The following ARHGAP6 variants were observed in gnomAD, a reference collection of about 807,000 sequenced individuals.
The protein encoded by ARHGAP6 is rho GTPase-activating protein 6.
ARHGAP6 carries 16 observed loss-of-function variants against 55.7 expected under a neutral mutation model. That is an observed-to-expected ratio of 0.29 (90% confidence interval 0.19 to 0.44). The LOEUF (loss-of-function observed/expected upper bound fraction) is 0.44, where lower values mean the gene tolerates loss of function less well. ARHGAP6 is among the 20% of genes least tolerant of loss of function. The probability of loss-of-function intolerance (pLI) is 1.00; values close to 1 mark genes in which losing one functional copy is unlikely to be tolerated. For missense variants in ARHGAP6, 698 were observed against 808.9 expected (o/e 0.86, Z 1.66); for synonymous variants, 382 against 360.9 (o/e 1.06, Z -0.66).
At chrX:11,449,498 A>C (rs1325528394) in intron 1 of ARHGAP6, among the ~76,000 whole-genome samples, 4 of 111,924 alleles carry the variant, frequency 3.6e-5, no homozygotes, top group Non-Finnish European at 7.5e-5. Context: ...CGAGCTCTAA[A>C]GTCACACCTC....
chrX:11,626,640 A>G (rs144867644), intron 1 of ARHGAP6, among the ~76,000 whole-genome samples: 1 of 111,712 alleles, frequency 9.0e-6, no homozygotes, highest in African/African-American at 3.2e-5. Context: ...ATGAAAACCT[A>G]TATCTGCATC....
intron 1 of ARHGAP6, among the ~76,000 whole-genome samples, chrX:11,649,438 C>T (rs1227471034): frequency 8.9e-6 from 1 of 112,101 alleles, no homozygotes; most frequent in African/African-American, 3.2e-5. Flanking sequence ...GGTAGATCAT[C>T]TCGATAGACA....
In ARHGAP6 at chrX:11,391,499, A is replaced by G. The variant is rs773076549; in HGVS notation, c.589-136792T>C. On this transcript the variant is annotated intron_variant, in intron 1 of 12. Coordinates refer to ENST00000337414, the MANE Select transcript of ARHGAP6 (RefSeq NM_013427.3). ...AAAGAAAAGAAAAAAAAAAGCCAGAAAACTTTAAAACATAACTGGTACTCT... is the reference window on the plus strand; with the variant it reads ...AAAGAAAAGAAAAAAAAAAGCCAGAGAACTTTAAAACATAACTGGTACTCT... Among the ~76,000 whole-genome samples the G allele has an allele frequency of 2.4e-3, 268 of 111,173 alleles. 1 individual carries two copies. The highest frequency in any genetic ancestry group is 4.3e-3 in the Non-Finnish European group (227 of 52,830).
intron 1 of ARHGAP6, among the ~76,000 whole-genome samples, chrX:11,451,543 C>T (rs963054091): frequency 1.5e-4 from 17 of 111,998 alleles, no homozygotes; most frequent in Non-Finnish European, 2.1e-4. Context: ...TATATGAAAG[C>T]GAATCTAGCA....
intron 1 of ARHGAP6, chrX:11,300,771 T>C (rs975496552): frequency 2.0e-6 from 1 of 504,646 alleles, no homozygotes; most frequent in African/African-American, 2.4e-5. Context: ...ATTCATGTCT[T>C]TGTGTTGAAT....
chrX:11,321,949 C>T (rs762944527), intron 1 of ARHGAP6, among the ~76,000 whole-genome samples: 1 of 111,977 alleles, frequency 8.9e-6, no homozygotes, highest in Non-Finnish European at 1.9e-5. Context: ...TAAAGTGGCG[C>T]TCTGGAAAAT....
intron 1 of ARHGAP6, among the ~76,000 whole-genome samples, chrX:11,262,034 T>C (rs1184893602): frequency 8.9e-6 from 1 of 112,238 alleles, no homozygotes; most frequent in East Asian, 2.8e-4. Flanking sequence ...ATATTAACAA[T>C]TATTTATATA....
chrX:11,366,958 G>A lies in ARHGAP6; in HGVS notation c.589-112251C>T, dbSNP rs748207693. 2.7e-5 allele frequency among the ~76,000 whole-genome samples: 3 copies of A among 111,990 alleles called. No homozygotes were observed. The South Asian group carries it at 1.1e-3, about 42-fold the overall frequency. ...ATGGAAGTATGTTTAAGGAGCAGGT[G>A]AGGAATAACATGCCTTCAAAGGAGA... On this transcript the variant is annotated intron_variant, in intron 1 of 12. Transcript: ENST00000337414.
At chrX:11,542,542 G>T (rs2051169360) in intron 1 of ARHGAP6, among the ~76,000 whole-genome samples, 1 of 110,895 alleles carries the variant, frequency 9.0e-6, no homozygotes, top group Non-Finnish European at 1.9e-5. Flanking sequence ...TGGGGAGAGG[G>T]AGTGGTCAAT....
At position 11,590,869 on chromosome X, in the gene ARHGAP6, G is replaced by GAAAAGAAAAGAAAGAAGGAAA. The variant is rs2051813205; in HGVS notation, c.588+73371_588+73372insTTTCCTTCTTTCTTTTCTTTT. On this transcript the variant is annotated intron_variant, in intron 1 of 12. Coordinates refer to ENST00000337414, the MANE Select transcript of ARHGAP6 (RefSeq NM_013427.3). The stretch of plus-strand genomic sequence containing the variant: ...AAGAAAAGAAAAGAAAAGAAAAGAA[G>GAAAAGAAAAGAAAGAAGGAAA]GAAAGAAAGAAAGAAAGAAAGAAAG... Among the ~76,000 whole-genome samples, 14 of 24,218 alleles carry GAAAAGAAAAGAAAGAAGGAAA rather than the reference G, an allele frequency of 5.8e-4. 3 individuals carry two copies. The highest frequency in any genetic ancestry group is 3.5e-3 in the South Asian group (1 of 288). 21.0% of individuals were successfully genotyped at this position (24,218 alleles called of 115,157 possible). A position where few individuals can be genotyped will look rare whatever the true frequency, so the allele number is the denominator to read the frequency against.
At chrX:11,329,851 T>A (rs1352780042) in intron 1 of ARHGAP6, among the ~76,000 whole-genome samples, 1 of 112,634 alleles carries the variant, frequency 8.9e-6, no homozygotes, top group African/African-American at 3.2e-5. Context: ...CTATACTGAA[T>A]ACTGTAGGTA....
intron 1 of ARHGAP6, among the ~76,000 whole-genome samples, chrX:11,364,527 C>T (rs887591519): frequency 7.2e-5 from 8 of 110,695 alleles, no homozygotes; most frequent in Non-Finnish European, 1.5e-4. Flanking sequence ...TTCAACCTTC[C>T]GCCACGTGAC....
chrX:11,388,944 G>A (rs756775318), intron 1 of ARHGAP6, among the ~76,000 whole-genome samples: 5 of 112,035 alleles, frequency 4.5e-5, no homozygotes, highest in Non-Finnish European at 9.4e-5. Flanking sequence ...CTAGCAACAC[G>A]GAGATAAGAA....
At chrX:11,329,185 A>G (rs1479065018) in intron 1 of ARHGAP6, among the ~76,000 whole-genome samples, 1 of 111,985 alleles carries the variant, frequency 8.9e-6, no homozygotes, top group African/African-American at 3.2e-5. Context: ...TTGGCACCAG[A>G]GTTATGAGAT....
At chrX:11,228,734 G>A (rs1427187733) in intron 2 of ARHGAP6, among the ~76,000 whole-genome samples, 1 of 112,280 alleles carries the variant, frequency 8.9e-6, no homozygotes, top group Non-Finnish European at 1.9e-5. Context: ...GACAACTGCA[G>A]TAAGAGTTGG....
At chrX:11,248,316 C>G (rs1244726187) in intron 2 of ARHGAP6, among the ~76,000 whole-genome samples, 1 of 111,770 alleles carries the variant, frequency 8.9e-6, no homozygotes, top group East Asian at 2.8e-4. Flanking sequence ...AAGTATGTAT[C>G]TGTGAGATAC....
chrX:11,302,160 T>G (rs759142589), intron 1 of ARHGAP6, among the ~76,000 whole-genome samples: 12 of 112,388 alleles, frequency 1.1e-4, no homozygotes, highest in African/African-American at 1.9e-4. Context: ...TCCTCCGTCA[T>G]AGTAGACACA....
chrX:11,648,338 G>T (rs1280506564), intron 1 of ARHGAP6, among the ~76,000 whole-genome samples: 2 of 111,612 alleles, frequency 1.8e-5, no homozygotes, highest in East Asian at 5.6e-4. Flanking sequence ...TACCAAGATT[G>T]CCCCAGTAAT....
At chrX:11,424,996 ACTAT>A (rs1353809208) in intron 1 of ARHGAP6, among the ~76,000 whole-genome samples, 1 of 112,413 alleles carries the variant, frequency 8.9e-6, no homozygotes, top group Non-Finnish European at 1.9e-5. Flanking sequence ...TAACATTTTC[ACTAT>A]CTAACTGTCT....
Sources: gnomAD v4.1 joint callset for allele counts (sites outside exome capture counted in the v4.1 genomes callset) on GRCh38, gnomAD v4.1.1 for gene constraint, MANE v1.5 for transcripts, NCBI Gene and HGNC (gene_info 2026-07-23, HGNC 2026-07-21) for gene names.